PSMA1: variants seen among roughly 807,000 people sequenced by gnomAD.
PSMA1 encodes the protein proteasome subunit alpha type-1.
Under a neutral mutation model 38.4 loss-of-function variants are expected in PSMA1, and 3 were observed. The ratio of observed to expected loss-of-function variants is 0.08; its 90% CI spans 0.04 to 0.20. The LOEUF (loss-of-function observed/expected upper bound fraction) is 0.20, where lower values mean the gene tolerates loss of function less well. Ranked by LOEUF, PSMA1 falls within the 10% of genes least tolerant of loss-of-function variation. The pLI is 1.00. For synonymous variants in PSMA1, 101 were observed against 107.1 expected (o/e 0.94, Z 0.35); for missense variants, 227 against 325.3 (o/e 0.70, Z 2.32).
intron 2 of PSMA1, 119 bp from the exon 3 acceptor site, chr11:14,518,100 G>T: frequency 1.4e-6 from 1 of 716,164 alleles, no homozygotes; most frequent in South Asian, 2.3e-5. Context: ...TTTTAATCAA[G>T]AGACCTTTTT....
At chr11:14,569,599 C>T (rs1307193683) in intron 2 of PSMA1, among the ~76,000 whole-genome samples, 4 of 152,192 alleles carry the variant, frequency 2.6e-5, no homozygotes, top group Non-Finnish European at 4.4e-5. Flanking sequence ...ACCCACGGAG[C>T]CTCACTCACT....
Position 14,624,458 on chromosome 11 carries a change from T to C in PSMA1, c.-165-13307A>G, listed in dbSNP as rs138239000. Reference sequence around the variant, plus strand: ...CGATGGGTGTAATCAGGACTAGCCCTATCTACCATCACTCCCAATAACTCT... The same window carrying C: ...CGATGGGTGTAATCAGGACTAGCCCCATCTACCATCACTCCCAATAACTCT... On this transcript the variant is annotated intron_variant, in intron 1 of 10. Coordinates refer to the PSMA1 transcript ENST00000418988. Among the ~76,000 whole-genome samples, 458 of 152,294 alleles carry C rather than the reference T, an allele frequency of 3.0e-3. 2 individuals are homozygous for C. Among genetic ancestry groups the C allele is most frequent in the Non-Finnish European group, 3.5e-3 (238 of 68,018 alleles).
At position 14,612,471 on chromosome 11, in the gene PSMA1, GAC is replaced by G. The variant is rs375906492; in HGVS notation, c.-165-1322_-165-1321del. Among the ~76,000 whole-genome samples, 35 of 152,030 alleles carry G rather than the reference GAC, an allele frequency of 2.3e-4. No homozygotes were observed. The East Asian group carries it at 6.4e-3, about 28-fold the overall frequency. On this transcript the variant is annotated intron_variant, in intron 1 of 10. Coordinates refer to the PSMA1 transcript ENST00000418988. ...ATATATACATTTAAAACAGGAAAGA[GAC>G]ATTTAATTATCATATAAGCAGTTTA... is the stretch of plus-strand genomic sequence containing the variant.
intron 2 of PSMA1, among the ~76,000 whole-genome samples, chr11:14,544,408 A>G (rs1358198183): frequency 6.6e-6 from 1 of 152,196 alleles, no homozygotes; most frequent in Non-Finnish European, 1.5e-5. Flanking sequence ...ATGGAAAAAA[A>G]AATTGCAAAT....
At chr11:14,625,518 C>A (rs1852899839) in intron 1 of PSMA1, among the ~76,000 whole-genome samples, 1 of 152,322 alleles carries the variant, frequency 6.6e-6, no homozygotes, top group Middle Eastern at 3.4e-3. Context: ...CATTACTCTT[C>A]TGGATCCACC....
At chr11:14,620,591 G>A (rs1164700821) in intron 1 of PSMA1, among the ~76,000 whole-genome samples, 1 of 152,168 alleles carries the variant, frequency 6.6e-6, no homozygotes, top group Non-Finnish European at 1.5e-5. Flanking sequence ...TATTCTGGAA[G>A]GCTCTGTAAA....
Position 14,534,603 on chromosome 11 carries a change from C to T in PSMA1, c.22-15562G>A, listed in dbSNP as rs1342596729. ...TCTCCTGCCTCAGCCTCTAGAGTAG[C>T]TGGGTCTACAGGAGTGAGCCACTGT... On this transcript the variant is annotated intron_variant, in intron 2 of 10. Coordinates refer to the PSMA1 transcript ENST00000418988. This position sits in a 1 kb window ranked among gnomAD's most constrained non-coding sequence, Gnocchi z 4.5. Among the ~76,000 whole-genome samples, 1 of 152,100 alleles carries T rather than the reference C, an allele frequency of 6.6e-6. No individual in the cohort carries two copies. Among genetic ancestry groups the T allele is most frequent in the African/African-American group, 2.4e-5 (1 of 41,420 alleles).
chr11:14,561,281 C>T (rs1255189079), intron 2 of PSMA1, among the ~76,000 whole-genome samples: 2 of 152,172 alleles, frequency 1.3e-5, no homozygotes, highest in Non-Finnish European at 1.5e-5. Context: ...CTTCAATATC[C>T]GTTGAACTGA....
chr11:14,517,871 T>G lies in PSMA1; in HGVS notation c.150+9A>C, dbSNP rs1246970790. The G allele has an allele frequency of 8.8e-6, 14 of 1,588,390 alleles. No individual in the cohort carries two copies. Among genetic ancestry groups the G allele is most frequent in the Non-Finnish European group, 1.1e-5 (13 of 1,165,742 alleles). On this transcript the variant is annotated intron_variant, in intron 3 of 9. Transcript: ENST00000396394. ...CTACAGAGGAAGACATATTTATTAC[T>G]GTACTTACTTTCAATGCAACCAAAA...
chr11:14,528,483 G>A (rs564032780), intron 2 of PSMA1, among the ~76,000 whole-genome samples: 1 of 152,060 alleles, frequency 6.6e-6, no homozygotes, highest in South Asian at 2.1e-4. Flanking sequence ...TCCCACTGTA[G>A]GTTCCCACGC....
chr11:14,613,148 T>A (rs534926058), intron 1 of PSMA1, among the ~76,000 whole-genome samples: 1 of 152,104 alleles, frequency 6.6e-6, no homozygotes, highest in Non-Finnish European at 1.5e-5. Flanking sequence ...TAAAATACAG[T>A]AATAAAGTCA....
intron 2 of PSMA1, among the ~76,000 whole-genome samples, chr11:14,606,434 GAA>G: frequency 7.8e-6 from 1 of 127,816 alleles, no homozygotes; most frequent in African/African-American, 2.9e-5. Context: ...AAGAAAAAAA[GAA>G]AAAAAAAAAA....
intron 1 of PSMA1, among the ~76,000 whole-genome samples, chr11:14,622,065 G>T (rs987309487): frequency 1.3e-5 from 2 of 152,120 alleles, no homozygotes; most frequent in African/African-American, 2.4e-5. Flanking sequence ...ATACCTGCTA[G>T]GTCCTAGATG....
At chr11:14,590,737 G>C (rs1852403005) in intron 2 of PSMA1, among the ~76,000 whole-genome samples, 1 of 152,202 alleles carries the variant, frequency 6.6e-6, no homozygotes, top group African/African-American at 2.4e-5. Flanking sequence ...GTTTGCCATG[G>C]CTAGAAGTTA....
At chr11:14,613,628 C>CTA (rs1852735237) in intron 1 of PSMA1, among the ~76,000 whole-genome samples, 1 of 152,088 alleles carries the variant, frequency 6.6e-6, no homozygotes, top group African/African-American at 2.4e-5. Flanking sequence ...ATAATCAGAA[C>CTA]TATATTTCTG....
intron 2 of PSMA1, among the ~76,000 whole-genome samples, 169 bp downstream of exon 2, chr11:14,518,828 A>G (rs942609439): frequency 1.3e-5 from 2 of 152,168 alleles, no homozygotes; most frequent in African/African-American, 4.8e-5. Context: ...ACTTAACATA[A>G]TGTCCTCTAG....
intron 7 of PSMA1, among the ~76,000 whole-genome samples, chr11:14,513,041 C>G (rs950577073): frequency 6.6e-6 from 1 of 152,160 alleles, no homozygotes; most frequent in Non-Finnish European, 1.5e-5. Flanking sequence ...GATAAGATGA[C>G]AAAGAGAAAT....
At chr11:14,537,699 G>A (rs1851725541) in intron 2 of PSMA1, among the ~76,000 whole-genome samples, 1 of 147,740 alleles carries the variant, frequency 6.8e-6, no homozygotes, top group Non-Finnish European at 1.5e-5. Flanking sequence ...ATTTTAATGT[G>A]GTAAAATTAC....
At chr11:14,537,173 A>G (rs933197561) in intron 2 of PSMA1, among the ~76,000 whole-genome samples, 1 of 152,188 alleles carries the variant, frequency 6.6e-6, no homozygotes, top group Admixed American at 6.5e-5. Context: ...CTTTAAAACT[A>G]ATGTTTTCTA....
Sources: allele counts gnomAD v4.1 joint callset (sites outside exome capture counted in the v4.1 genomes callset), GRCh38; gene constraint gnomAD v4.1.1; non-coding constraint Gnocchi (gnomAD v3.1); transcripts MANE v1.5; gene names NCBI Gene and HGNC (gene_info 2026-07-23, HGNC 2026-07-21).